Variants in ANK1 observed in about 807,000 individuals in gnomAD.
ANK1 encodes ankyrin 1, also known as ankyrin-1.
ANK1 carries 51 observed loss-of-function variants against 210.4 expected under a neutral mutation model. The observed-to-expected ratio is 0.24, with a 90% CI of 0.19 to 0.31. The LOEUF is 0.31. Ranked by LOEUF, ANK1 falls within the 10% of genes least tolerant of loss-of-function variation. The pLI, the probability that ANK1 is intolerant of heterozygous loss-of-function variation, is 1.00. For missense variants in ANK1, 2,051 were observed against 2,504.4 expected (o/e 0.82, Z 3.86); for synonymous variants, 967 against 1,025.9 (o/e 0.94, Z 1.10).
chr8:41,792,062 A>G (rs1020055995), intron 1 of ANK1, among the ~76,000 whole-genome samples: 1 of 152,216 alleles, frequency 6.6e-6, no homozygotes, highest in African/African-American at 2.4e-5. Context: ...CGGGCCCATT[A>G]GCAGCAGTCA....
At chr8:41,883,569 C>T (rs1817960672) in intron 1 of ANK1, among the ~76,000 whole-genome samples, 1 of 152,174 alleles carries the variant, frequency 6.6e-6, no homozygotes, top group Non-Finnish European at 1.5e-5. Context: ...AAGTGATCCT[C>T]CCACCTCAAC....
chr8:41,877,582 G>A (rs1174194474), intron 1 of ANK1, among the ~76,000 whole-genome samples: 1 of 152,266 alleles, frequency 6.6e-6, no homozygotes, highest in Non-Finnish European at 1.5e-5. Flanking sequence ...GACAGAAAAA[G>A]CCACTGCTCT....
At chr8:41,733,242 C>T (rs766238362) in intron 3 of ANK1, among the ~76,000 whole-genome samples, 5 of 152,168 alleles carry the variant, frequency 3.3e-5, no homozygotes, top group Non-Finnish European at 7.3e-5. Flanking sequence ...CCATGCCAAA[C>T]GCCTCCTCAT....
chr8:41,856,325 A>G (rs980662834), intron 1 of ANK1, among the ~76,000 whole-genome samples: 3 of 152,222 alleles, frequency 2.0e-5, no homozygotes, highest in Non-Finnish European at 4.4e-5. Context: ...GGAGGACTGC[A>G]CCTCAACTAA....
chr8:41,801,104 A>G (rs1587058794), upstream of ANK1, among the ~76,000 whole-genome samples: 1 of 152,186 alleles, frequency 6.6e-6, no homozygotes, highest in Admixed American at 6.5e-5. Context: ...GTAGGCAAAT[A>G]GTACACAATA....
chr8:41,774,244 T>C (rs55768780), intron 1 of ANK1, among the ~76,000 whole-genome samples: 34,471 of 152,110 alleles, frequency 0.23, 4,503 homozygotes, highest in Middle Eastern at 0.35. Context: ...TTGTGCCCCA[T>C]GTCAACCAGG....
Position 41,723,137 on chromosome 8 carries a change from T to C in ANK1, c.897A>G (p.Gln299=), listed in dbSNP as rs1208201772. ...AGGAAGTACACACCTTGGTTTTGGC[T>C]TGGATTGGTGCCCCGTGGTCCAGCA... ...EILLDHGAPI[Q]AKTKNGLSPI... Residue 299 remains glutamine (Q), a synonymous_variant, in exon 9 of 43, where the codon CAA becomes CAG. Transcript: ENST00000289734. The C allele has an allele frequency of 1.9e-6, 3 of 1,614,192 alleles. No homozygotes were observed. The highest frequency in any genetic ancestry group is 1.1e-5 in the South Asian group (1 of 91,078).
intron 1 of ANK1, among the ~76,000 whole-genome samples, chr8:41,855,645 G>A (rs1812054573): frequency 6.6e-6 from 1 of 152,202 alleles, no homozygotes; most frequent in Non-Finnish European, 1.5e-5. Context: ...CAGATAGCCG[G>A]CTCTCTGTTT....
chr8:41,665,040 G>T (rs369972773), intron 39 of ANK1: 1 of 1,611,752 alleles, frequency 6.2e-7, no homozygotes, highest in East Asian at 2.2e-5. Flanking sequence ...CTCCTCACCA[G>T]CCCGGTCCTC....
chr8:41,895,906 C>CG (rs974801800), intron 1 of ANK1, among the ~76,000 whole-genome samples: 40 of 152,186 alleles, frequency 2.6e-4, no homozygotes, highest in African/African-American at 8.9e-4. Flanking sequence ...GAGCTGCCCC[C>CG]CCCCGGCCCG....
intron 40 of ANK1, 22 bp downstream of exon 40, chr8:41,663,637 G>A (rs778693874): frequency 1.3e-5 from 21 of 1,606,734 alleles, no homozygotes; most frequent in Non-Finnish European, 1.8e-5. Flanking sequence ...CCCCAGCACA[G>A]AGGGGAACAC....
At chr8:41,726,572 A>T (rs1214520097) in intron 5 of ANK1, among the ~76,000 whole-genome samples, 1 of 152,110 alleles carries the variant, frequency 6.6e-6, no homozygotes, top group Admixed American at 6.5e-5. Flanking sequence ...TTTTCTGTAG[A>T]GACGGGGTCT....
rs1045794382 is a variant in ANK1 at position 41,745,622 on chromosome 8, G to A, written c.130-11553C>T. On this transcript the variant is annotated intron_variant, in intron 2 of 42. Transcript: ENST00000289734. ...ATTCTGGGGTCTAAGTAGGGGACAG[G>A]TGGCCCGCTGGGGCTTCTACACATT... is the stretch of plus-strand genomic sequence containing the variant. Among the ~76,000 whole-genome samples the A allele has an allele frequency of 5.3e-5, 8 of 152,148 alleles. 1 individual carries two copies. The highest frequency in any genetic ancestry group is 3.9e-4 in the Admixed American group (6 of 15,280).
chr8:41,782,303 A>G lies in ANK1; in HGVS notation c.27+15209T>C, dbSNP rs531190711. On this transcript the variant is annotated intron_variant, in intron 1 of 42. Coordinates refer to ENST00000289734, the MANE Select transcript of ANK1 (RefSeq NM_000037.4). Reference sequence around the variant, plus strand: ...AGAAGAAAACGCAGAGGTTTGCTGCAAAGGAGCCCACCGTGTTGGGGGAGG... The same window carrying G: ...AGAAGAAAACGCAGAGGTTTGCTGCGAAGGAGCCCACCGTGTTGGGGGAGG... Among the ~76,000 whole-genome samples the G allele has an allele frequency of 3.3e-5, 5 of 152,314 alleles. No homozygotes were observed. The East Asian group carries it at 9.6e-4, about 29-fold the overall frequency.
chr8:41,764,335 A>G (rs1437807443), intron 1 of ANK1, among the ~76,000 whole-genome samples: 2 of 152,166 alleles, frequency 1.3e-5, no homozygotes, highest in South Asian at 2.1e-4. Flanking sequence ...AACTGCTCCA[A>G]TTCAATGACC....
intron 1 of ANK1, among the ~76,000 whole-genome samples, chr8:41,773,215 G>A (rs925933777): frequency 1.3e-5 from 2 of 152,154 alleles, no homozygotes; most frequent in Non-Finnish European, 2.9e-5. Flanking sequence ...TGGAGTAAGG[G>A]ATGGCAAGTG....
At chr8:41,708,673 C>T in intron 17 of ANK1, 105 bp downstream of exon 17, 2 of 1,263,938 alleles carry the variant, frequency 1.6e-6, no homozygotes, top group Non-Finnish European at 2.3e-6. Context: ...GGATTACACA[C>T]ACACACCCCT....
chr8:41,762,567 C>T (rs1484849722), intron 1 of ANK1, among the ~76,000 whole-genome samples: 2 of 152,154 alleles, frequency 1.3e-5, no homozygotes, highest in African/African-American at 4.8e-5. Context: ...TCCTAGGTTC[C>T]TCAGCAAGGC....
At chr8:41,866,134 C>T (rs1312829163) in intron 1 of ANK1, among the ~76,000 whole-genome samples, 3 of 152,200 alleles carry the variant, frequency 2.0e-5, no homozygotes, top group Non-Finnish European at 4.4e-5. Context: ...TTCCTCTTTT[C>T]TCTTAGGATA....
Sources: allele counts gnomAD v4.1 joint callset (sites outside exome capture counted in the v4.1 genomes callset), GRCh38; gene constraint gnomAD v4.1.1; transcripts MANE v1.5; gene names NCBI Gene and HGNC (gene_info 2026-07-23, HGNC 2026-07-21).